The following SGTA variants were observed in gnomAD, a reference collection of about 807,000 sequenced individuals.
SGTA encodes the protein small glutamine rich tetratricopeptide repeat co-chaperone alpha, also known as small glutamine-rich tetratricopeptide repeat-containing protein alpha.
A neutral mutation model predicts 44.3 loss-of-function variants in SGTA; 22 were observed. The ratio of observed to expected loss-of-function variants is 0.50; its 90% CI spans 0.36 to 0.71. The LOEUF is 0.71. Among genes scored for constraint, SGTA ranks in the 30% least tolerant of loss-of-function variants. SGTA has a pLI of 0.00. For missense variants in SGTA, 341 were observed against 435.9 expected, an observed-to-expected ratio of 0.78 and a Z score of 1.94; for synonymous variants, 174 against 177.6, an observed-to-expected ratio of 0.98 and a Z score of 0.16.
rs373897640 is a variant in SGTA at position 2,765,324 on chromosome 19, C to G, written c.293-39G>C. On this transcript the variant is annotated intron_variant, in intron 4 of 11. Coordinates refer to ENST00000221566, the MANE Select transcript of SGTA (RefSeq NM_003021.4). The surrounding 1 kb of genome is among the most constrained non-coding windows in gnomAD (Gnocchi z 5.5). ...GGAAAACACCGGCCCGGTGTCCACA[C>G]AGACCGGAGGGGGTGTCAGGGAGAG... 1.3e-6 allele frequency: 2 copies of G among 1,483,240 alleles called. No homozygotes were observed. The highest frequency in any genetic ancestry group is 1.4e-5 in the African/African-American group (1 of 72,620). 91.9% of individuals were successfully genotyped at this position (1,483,240 alleles called of 1,614,324 possible).
rs1390401095 is a variant in SGTA, at chr19:2,765,509, T to C, written c.293-224A>G. Among the ~76,000 whole-genome samples, 2 of 151,916 alleles carry C rather than the reference T, an allele frequency of 1.3e-5. No individual in the cohort carries two copies. Among genetic ancestry groups the C allele is most frequent in the Non-Finnish European group, 2.9e-5 (2 of 67,944 alleles). ...TCATATCTACATCCACTAAGGGGGA[T>C]GGAGGTGGGGGCGGCAGGGCCTGGC... On this transcript the variant is annotated intron_variant, in intron 4 of 11. Coordinates refer to ENST00000221566, the MANE Select transcript of SGTA (RefSeq NM_003021.4). The surrounding 1 kb of genome is among the most constrained non-coding windows in gnomAD (Gnocchi z 5.5).
chr19:2,776,494 G>A (rs1015155196), intron 1 of SGTA, among the ~76,000 whole-genome samples: 14 of 152,202 alleles, frequency 9.2e-5, no homozygotes, highest in African/African-American at 2.7e-4. Context: ...CCCTAGAGTC[G>A]TTGGATTCAC....
intron 4 of SGTA, among the ~76,000 whole-genome samples, chr19:2,766,814 G>A (rs757808434): frequency 6.6e-6 from 1 of 151,830 alleles, no homozygotes; most frequent in Non-Finnish European, 1.5e-5. Flanking sequence ...GTCTCTCTTG[G>A]GCACATATCT....
At chr19:2,759,362 T>A in intron 8 of SGTA, 68 bp from the exon 9 acceptor site, 1 of 1,468,700 alleles carries the variant, frequency 6.8e-7, no homozygotes, top group Non-Finnish European at 9.5e-7. Flanking sequence ...CATCAGACAC[T>A]TTCCATCTTA....
At chr19:2,766,737 C>T (rs1915152399) in intron 4 of SGTA, among the ~76,000 whole-genome samples, 1 of 152,022 alleles carries the variant, frequency 6.6e-6, no homozygotes, top group African/African-American at 2.4e-5. Context: ...CGCCCGGCCT[C>T]TTCTTGCTTT....
chr19:2,766,855 G>C (rs1915156766), intron 4 of SGTA, among the ~76,000 whole-genome samples: 1 of 152,118 alleles, frequency 6.6e-6, no homozygotes, highest in South Asian at 2.1e-4. Context: ...GGGTCTCATG[G>C]AAGCTGTGCA....
chr19:2,763,609 G>A lies in SGTA; in HGVS notation c.497+44C>T. 1 of 1,345,668 alleles carries A rather than the reference G, an allele frequency of 7.4e-7. No homozygotes were observed. 83.4% of individuals were successfully genotyped at this position (1,345,668 alleles called of 1,614,324 possible). The stretch of plus-strand genomic sequence containing the variant: ...GAGGAAGCAGGAGCAGGAGAGGAGG[G>A]GTCCCGAGAGACTGGAAAGGCGCGG... On this transcript the variant is annotated intron_variant, in intron 6 of 11. Coordinates refer to ENST00000221566, the MANE Select transcript of SGTA (RefSeq NM_003021.4). This position sits in a 1 kb window ranked among gnomAD's most constrained non-coding sequence, Gnocchi z 5.8.
chr19:2,780,146 ATCAT>A (rs1915538440), intron 1 of SGTA, among the ~76,000 whole-genome samples: 1 of 152,126 alleles, frequency 6.6e-6, no homozygotes, highest in Admixed American at 6.5e-5. Context: ...CCCAGAAGGG[ATCAT>A]TCAATGGAAA....
intron 1 of SGTA, chr19:2,778,028 A>AG: frequency 6.6e-6 from 1 of 151,886 alleles, no homozygotes; most frequent in East Asian, 1.9e-4. Context: ...AAAAAAAAAA[A>AG]AAAAAAAGAA....
chr19:2,761,159 C>G lies in SGTA; in HGVS notation c.699+301G>C, dbSNP rs775114416. Among the ~76,000 whole-genome samples, 1 of 152,166 alleles carries G rather than the reference C, an allele frequency of 6.6e-6. No individual in the cohort carries two copies. The highest frequency in any genetic ancestry group is 1.5e-5 in the Non-Finnish European group (1 of 68,032). On this transcript the variant is annotated intron_variant, in intron 8 of 11. Coordinates refer to ENST00000221566, the MANE Select transcript of SGTA (RefSeq NM_003021.4). This position sits in a 1 kb window ranked among gnomAD's most constrained non-coding sequence, Gnocchi z 5.7. ...GGGGTGGGGGTGTGACCTCCCTGGGCTCAGCCAGGAGAGCCAGCTTTTGGT... is the reference window on the plus strand; with the variant it reads ...GGGGTGGGGGTGTGACCTCCCTGGGGTCAGCCAGGAGAGCCAGCTTTTGGT...
Position 2,762,631 on chromosome 19 carries a change from T to C in SGTA, c.511A>G (p.Ser171Gly). Reference protein sequence around the residue: ...AYGRMGLALSSLNKHVEAVAY... With the variant: ...AYGRMGLALSGLNKHVEAVAY... ...ACGGCCTCCACGTGCTTGTTGAGGCTGGAGAGCGCCAGGCTGGAGGAGAGC... is the reference window on the plus strand; with the variant it reads ...ACGGCCTCCACGTGCTTGTTGAGGCCGGAGAGCGCCAGGCTGGAGGAGAGC... Residue 171 changes from serine (S) to glycine (G), a missense_variant, in exon 7 of 12, where the codon AGC (serine) becomes GGC (glycine). By Grantham distance (56) the Ser-to-Gly change is moderately conservative. Transcript: ENST00000221566. 6.2e-7 allele frequency: 1 copy of C among 1,613,974 alleles called. No homozygotes were observed. Among genetic ancestry groups the C allele is most frequent in the South Asian group, 1.1e-5 (1 of 91,086 alleles).
At position 2,761,369 on chromosome 19, in the gene SGTA, C is replaced by A; in HGVS notation, c.699+91G>T. ...GTTCCAGAAGCCAGCAGTGCCAAGGCAAGGAAGCCCTGGCCAGTAGCGGAC... is the reference window on the plus strand; with the variant it reads ...GTTCCAGAAGCCAGCAGTGCCAAGGAAAGGAAGCCCTGGCCAGTAGCGGAC... On this transcript the variant is annotated intron_variant, in intron 8 of 11. Coordinates refer to ENST00000221566, the MANE Select transcript of SGTA (RefSeq NM_003021.4). The surrounding 1 kb of genome is among the most constrained non-coding windows in gnomAD (Gnocchi z 5.7). The A allele has an allele frequency of 5.7e-6, 7 of 1,222,492 alleles. No homozygotes were observed. Among genetic ancestry groups the A allele is most frequent in the Non-Finnish European group, 8.2e-6 (7 of 854,882 alleles). The allele number at this position is 1,222,492 out of a possible 1,614,324, so 75.7% of individuals were successfully genotyped here.
In SGTA at chr19:2,768,891, T is replaced by G; in HGVS notation, c.100+78A>C. 9 of 1,060,566 alleles carry G rather than the reference T, an allele frequency of 8.5e-6. 1 individual carries two copies. In the Admixed American group the frequency reaches 1.6e-4, roughly 18 times the overall value. 65.7% of individuals were successfully genotyped at this position (1,060,566 alleles called of 1,614,324 possible). A position where few individuals can be genotyped will look rare whatever the true frequency, so the allele number is the denominator to read the frequency against. ...AAAGCCAGGCGGGGGACCAGGCATC[T>G]ACACACCAGGTGTCTACACGAGGCG... On this transcript the variant is annotated intron_variant, in intron 2 of 11. Transcript: ENST00000221566.
At position 2,757,347 on chromosome 19, in the gene SGTA, T is replaced by A; in HGVS notation, c.938A>T (p.Glu313Val). Reference sequence around the variant, plus strand: ...GCCCCATGCACTCACGCAGCGTCACTCCTGCTGGTCGTCGTTGCTGGCGCT... The same window carrying A: ...GCCCCATGCACTCACGCAGCGTCACACCTGCTGGTCGTCGTTGCTGGCGCT... ...TPSASNDDQQ[E>V] Residue 313 changes from glutamate (E) to valine (V), a missense_variant, in exon 11 of 12, where the codon GAG (glutamate) becomes GTG (valine). Coordinates refer to ENST00000221566, the MANE Select transcript of SGTA (RefSeq NM_003021.4). 6.2e-7 allele frequency: 1 copy of A among 1,602,032 alleles called. No homozygotes were observed.
In SGTA at chr19:2,765,065, C is replaced by G. The variant is rs897280411; in HGVS notation, c.392+121G>C. On this transcript the variant is annotated intron_variant, in intron 5 of 11. Coordinates refer to ENST00000221566, the MANE Select transcript of SGTA (RefSeq NM_003021.4). This position sits in a 1 kb window ranked among gnomAD's most constrained non-coding sequence, Gnocchi z 5.5. ...ATGCTCGCTCCTGGTCTGAGACCAC[C>G]GGTGAATGGATCCCTCATCTACAGC... The G allele has an allele frequency of 5.8e-6, 4 of 690,138 alleles. No homozygotes were observed. Among genetic ancestry groups the G allele is most frequent in the African/African-American group, 1.8e-5 (1 of 56,254 alleles). 42.8% of individuals were successfully genotyped at this position (690,138 alleles called of 1,614,324 possible).
At chr19:2,762,257 C>A (rs1228448666) in intron 7 of SGTA, among the ~76,000 whole-genome samples, 1 of 152,218 alleles carries the variant, frequency 6.6e-6, no homozygotes, top group Non-Finnish European at 1.5e-5. Flanking sequence ...ATCGAGGGTC[C>A]TTTCTGTGCC....
At chr19:2,762,696 GC>G in intron 6 of SGTA, 52 bp from the exon 7 acceptor site, 1 of 1,603,790 alleles carries the variant, frequency 6.2e-7, no homozygotes, top group Non-Finnish European at 8.5e-7. Context: ...GCTCCAGGAG[GC>G]CCCGCCAAAG....
Position 2,762,435 on chromosome 19 carries a change from G to T in SGTA, c.636+71C>A, listed in dbSNP as rs547149965. The T allele has an allele frequency of 7.6e-5, 116 of 1,525,902 alleles. No homozygotes were observed. In the African/African-American group the frequency reaches 1.5e-3, roughly 19 times the overall value. 94.5% of individuals were successfully genotyped at this position (1,525,902 alleles called of 1,614,324 possible). ...AGGTTAAGCCTAGAGCCACTGGTGC[G>T]CCCGAGGACCTGTCCCCCACCCACA... On this transcript the variant is annotated intron_variant, in intron 7 of 11. Coordinates refer to ENST00000221566, the MANE Select transcript of SGTA (RefSeq NM_003021.4).
At chr19:2,762,672 T>C (rs1273180810) in intron 6 of SGTA, 28 bp from the exon 7 acceptor site, 4 of 1,612,456 alleles carry the variant, frequency 2.5e-6, no homozygotes, top group South Asian at 1.1e-5. Context: ...GGATGGACTG[T>C]TCCCATCTGC....
Sources: allele counts gnomAD v4.1 joint callset (sites outside exome capture counted in the v4.1 genomes callset), GRCh38; gene constraint gnomAD v4.1.1; non-coding constraint Gnocchi (gnomAD v3.1); transcripts MANE v1.5; gene names NCBI Gene and HGNC (gene_info 2026-07-23, HGNC 2026-07-21).